DCC: variants seen among roughly 807,000 people sequenced by gnomAD.
DCC encodes the protein DCC netrin 1 receptor, also known as netrin receptor DCC.
DCC carries 58 observed loss-of-function variants against 172.5 expected under a neutral mutation model. The observed-to-expected ratio is 0.34, with a 90% confidence interval of 0.27 to 0.42. The LOEUF (loss-of-function observed/expected upper bound fraction) is 0.42. Ranked by LOEUF, DCC falls within the 10% of genes least tolerant of loss-of-function variation. The pLI, the probability that DCC is intolerant of heterozygous loss-of-function variation, is 1.00. For missense variants in DCC, 1,740 were observed against 1,791.0 expected, an observed-to-expected ratio of 0.97 and a Z score of 0.51; for synonymous variants, 709 against 644.5, an observed-to-expected ratio of 1.10 and a Z score of -1.52.
rs181759183 is a variant in DCC, at chr18:53,282,449, A to G, written c.1912-23129A>G. Among the ~76,000 whole-genome samples the G allele has an allele frequency of 2.9e-3, 438 of 152,290 alleles. 4 individuals are homozygous for G. The highest frequency in any genetic ancestry group is 0.022 in the Admixed American group (335 of 15,274). On this transcript the variant is annotated intron_variant, in intron 12 of 28. Transcript: ENST00000442544. The stretch of plus-strand genomic sequence containing the variant: ...AGAAGGCTTCTTGGAGAGTTTCTGA[A>G]GTCAAGATTTAGAAAATTAATGATT...
chr18:52,570,945 G>T (rs1450520903), intron 1 of DCC, among the ~76,000 whole-genome samples: 2 of 152,080 alleles, frequency 1.3e-5, no homozygotes, highest in Non-Finnish European at 2.9e-5. Flanking sequence ...CATGCTAAGA[G>T]GTTTTAGCTT....
At chr18:52,473,561 T>A (rs1004913415) in intron 1 of DCC, among the ~76,000 whole-genome samples, 21 of 152,148 alleles carry the variant, frequency 1.4e-4, no homozygotes, top group Non-Finnish European at 1.5e-5. Flanking sequence ...GAAGCAAATA[T>A]GTCCTTTTCA....
intron 12 of DCC, among the ~76,000 whole-genome samples, chr18:53,278,653 C>T (rs752508636): frequency 6.6e-6 from 1 of 152,136 alleles, no homozygotes; most frequent in Non-Finnish European, 1.5e-5. Context: ...CTCCTTAAAA[C>T]AATTCATTTT....
At position 53,397,421 on chromosome 18, in the gene DCC, T is replaced by C. The variant is rs745807836; in HGVS notation, c.2802T>C (p.Thr934=). Residue 934 remains threonine, a synonymous_variant, in exon 18 of 29, where the codon ACT becomes ACC. Coordinates refer to ENST00000442544, the MANE Select transcript of DCC (RefSeq NM_005215.4). ...GAAGGTCCAGTACTTGGAGCATGAC[T>C]GCACATGCCACCACGTATGAAGCAG... is the stretch of plus-strand genomic sequence containing the variant. ...KNRRSSTWSM[T]AHATTYEAAP... is the part of the protein sequence containing the mutation. 1 of 1,614,060 alleles carries C rather than the reference T, an allele frequency of 6.2e-7. No individual in the cohort carries two copies. Among genetic ancestry groups the C allele is most frequent in the East Asian group, 2.2e-5 (1 of 44,870 alleles).
chr18:53,499,515 A>G lies in DCC; in HGVS notation c.4111+5A>G. ...CACCACTTTTGTCTCAGCCAGGTAA[A>G]GTACTCGGTTGTTCACCTTTAAAAT... On this transcript the variant is annotated splice_donor_5th_base_variant and intron_variant, in intron 27 of 28. Coordinates refer to ENST00000442544, the MANE Select transcript of DCC (RefSeq NM_005215.4). 6.2e-7 allele frequency: 1 copy of G among 1,609,926 alleles called. No homozygotes were observed. Among genetic ancestry groups the G allele is most frequent in the Non-Finnish European group, 8.5e-7 (1 of 1,176,210 alleles).
intron 1 of DCC, among the ~76,000 whole-genome samples, chr18:52,398,834 G>A (rs942314179): frequency 2.0e-5 from 3 of 151,746 alleles, no homozygotes; most frequent in Non-Finnish European, 4.4e-5. Context: ...TGTACATAAG[G>A]GATGTCCTTT....
intron 26 of DCC, among the ~76,000 whole-genome samples, chr18:53,493,836 C>A (rs1424640317): frequency 6.6e-6 from 1 of 151,848 alleles, no homozygotes; most frequent in Non-Finnish European, 1.5e-5. Context: ...TTCAGTTCTG[C>A]TCTGATCTTA....
intron 1 of DCC, among the ~76,000 whole-genome samples, chr18:52,522,833 T>C (rs925316637): frequency 2.0e-4 from 30 of 152,300 alleles, no homozygotes; most frequent in African/African-American, 6.3e-4. Context: ...CAAGAGAGAA[T>C]TGATACTTTC....
chr18:52,520,437 AT>A (rs2031776583), intron 1 of DCC, among the ~76,000 whole-genome samples: 1 of 152,156 alleles, frequency 6.6e-6, no homozygotes, highest in African/African-American at 2.4e-5. Context: ...ATACATACAC[AT>A]TTTAATTTTG....
In DCC at chr18:52,602,684, G is replaced by A. The variant is rs952251085; in HGVS notation, c.92-149370G>A. 1.1e-4 allele frequency among the ~76,000 whole-genome samples: 15 copies of A among 141,380 alleles called. 1 individual carries two copies. Among genetic ancestry groups the A allele is most frequent in the African/African-American group, 3.2e-4 (13 of 40,348 alleles). 92.8% of individuals were successfully genotyped at this position (141,380 alleles called of 152,430 possible). ...GGAATTACGGTGCAAATACAAAAGA[G>A]ACGACTTTTTTTTTACAATGAAAAA... On this transcript the variant is annotated intron_variant, in intron 1 of 28. Coordinates refer to ENST00000442544, the MANE Select transcript of DCC (RefSeq NM_005215.4).
intron 1 of DCC, among the ~76,000 whole-genome samples, chr18:52,700,239 T>G (rs535616645): frequency 3.5e-5 from 4 of 115,634 alleles, no homozygotes; most frequent in African/African-American, 1.4e-4. Context: ...CACACTCACA[T>G]GCACACTCAC....
intron 2 of DCC, among the ~76,000 whole-genome samples, chr18:52,759,984 G>A (rs1411491984): frequency 6.6e-6 from 1 of 152,124 alleles, no homozygotes; most frequent in Admixed American, 6.6e-5. Context: ...ATAAACTGGG[G>A]GAACTTGAGT....
chr18:53,242,951 A>C lies in DCC; in HGVS notation c.1911+27354A>C, dbSNP rs555981297. ...TGCAGGGTGCAAGCTCTCACTTGTC[A>C]GTGCTCATTTTGAGATATGGCAGTA... On this transcript the variant is annotated intron_variant, in intron 12 of 28. Coordinates refer to ENST00000442544, the MANE Select transcript of DCC (RefSeq NM_005215.4). 5.9e-5 allele frequency among the ~76,000 whole-genome samples: 9 copies of C among 151,936 alleles called. No individual in the cohort carries two copies. In the East Asian group the frequency reaches 1.2e-3, roughly 20 times the overall value.
At chr18:52,542,171 C>T (rs1285694306) in intron 1 of DCC, among the ~76,000 whole-genome samples, 2 of 151,290 alleles carry the variant, frequency 1.3e-5, no homozygotes, top group African/African-American at 4.9e-5. Flanking sequence ...ATAGTTTTTA[C>T]TACAGAATGA....
chr18:53,290,207 T>C (rs2056985357), intron 12 of DCC, among the ~76,000 whole-genome samples: 1 of 152,144 alleles, frequency 6.6e-6, no homozygotes, highest in Non-Finnish European at 1.5e-5. Flanking sequence ...ACAATTCCAT[T>C]TACCTCATCC....
intron 2 of DCC, among the ~76,000 whole-genome samples, chr18:52,779,396 C>T (rs1432950646): frequency 1.3e-5 from 2 of 152,144 alleles, no homozygotes; most frequent in Admixed American, 6.5e-5. Context: ...GGAGTGAGAA[C>T]ATGCAGTGTT....
chr18:52,842,121 A>G (rs530002552), intron 2 of DCC, among the ~76,000 whole-genome samples: 1 of 152,320 alleles, frequency 6.6e-6, no homozygotes, highest in South Asian at 2.1e-4. Context: ...TTATCATTGA[A>G]TGTGTACAGT....
chr18:52,509,407 A>G (rs1017903163), intron 1 of DCC, among the ~76,000 whole-genome samples: 1 of 152,100 alleles, frequency 6.6e-6, no homozygotes, highest in African/African-American at 2.4e-5. Context: ...TGTGGCTCGT[A>G]TTACATCTTA....
intron 2 of DCC, among the ~76,000 whole-genome samples, chr18:52,839,283 G>A (rs1443442356): frequency 6.6e-5 from 10 of 152,168 alleles, no homozygotes; most frequent in South Asian, 4.1e-4. Flanking sequence ...GCATGTTCAA[G>A]TATGTTTGTG....
Sources: allele counts gnomAD v4.1 joint callset (sites outside exome capture counted in the v4.1 genomes callset), GRCh38; gene constraint gnomAD v4.1.1; transcripts MANE v1.5; gene names NCBI Gene and HGNC (gene_info 2026-07-23, HGNC 2026-07-21).